Variants in QTMAN observed in about 807,000 individuals in gnomAD.
QTMAN encodes queuosine-tRNA mannosyltransferase.
the QTMAN span, chr2:143,942,771 A>G: frequency 6.0e-6 from 1 of 167,068 alleles, no homozygotes; most frequent in Non-Finnish European, 1.5e-5. Flanking sequence ...TAAGCAGAGG[A>G]AAGTCTTCTC....
chr2:144,146,283 T>C, the QTMAN span, among the ~76,000 whole-genome samples: 1 of 149,970 alleles, frequency 6.7e-6, no homozygotes, highest in Non-Finnish European at 1.5e-5. Context: ...ACTTGTAAAG[T>C]ATCTTACAAT....
chr2:144,119,068 A>C, the QTMAN span, among the ~76,000 whole-genome samples: 2 of 152,246 alleles, frequency 1.3e-5, no homozygotes, highest in East Asian at 3.9e-4. Context: ...GTTTAAATAC[A>C]GGGCTGGTAA....
chr2:144,058,273 T>C, the QTMAN span, among the ~76,000 whole-genome samples: 1 of 152,048 alleles, frequency 6.6e-6, no homozygotes, highest in African/African-American at 2.4e-5. Context: ...GCTTGATCCT[T>C]TTCTGCTTTC....
chr2:144,186,739 T>C, the QTMAN span, among the ~76,000 whole-genome samples: 1 of 152,342 alleles, frequency 6.6e-6, no homozygotes, highest in South Asian at 2.1e-4. Flanking sequence ...TCAGTATTTA[T>C]TTTCAAACCT....
chr2:144,168,495 G>A, the QTMAN span, among the ~76,000 whole-genome samples: 2 of 152,066 alleles, frequency 1.3e-5, no homozygotes, highest in African/African-American at 2.4e-5. Flanking sequence ...AAAATAATCC[G>A]GTAGAGGGGG....
chr2:143,966,303 T>A, the QTMAN span, among the ~76,000 whole-genome samples: 1 of 152,188 alleles, frequency 6.6e-6, no homozygotes, highest in East Asian at 1.9e-4. Flanking sequence ...AGGCAATGCA[T>A]AAAGGGCTGA....
chr2:144,274,777 C>A, the QTMAN span, among the ~76,000 whole-genome samples: 1 of 152,220 alleles, frequency 6.6e-6, no homozygotes, highest in East Asian at 1.9e-4. Flanking sequence ...GTTCTGTAAG[C>A]CCTCCTAGCA....
chr2:144,305,050 GT>G, the QTMAN span, among the ~76,000 whole-genome samples: 3 of 151,980 alleles, frequency 2.0e-5, no homozygotes, highest in South Asian at 4.2e-4. Context: ...TTGTGTGTTG[GT>G]TTTTTTCACT....
chr2:144,017,512 T>A, the QTMAN span, among the ~76,000 whole-genome samples: 1 of 152,172 alleles, frequency 6.6e-6, no homozygotes, highest in South Asian at 2.1e-4. Context: ...AATGATTATC[T>A]TATTGTTATG....
At chr2:144,029,431 A>G in the QTMAN span, among the ~76,000 whole-genome samples, 1 of 152,206 alleles carries the variant, frequency 6.6e-6, no homozygotes, top group South Asian at 2.1e-4. Context: ...GGTTCTAAAA[A>G]CTTTCCAGAC....
chr2:144,031,875 G>A, the QTMAN span, among the ~76,000 whole-genome samples: 4 of 152,094 alleles, frequency 2.6e-5, no homozygotes, highest in Non-Finnish European at 5.9e-5. Flanking sequence ...TCCTGCCTCA[G>A]CCTCCCGAGC....
At chr2:144,272,712 T>C in the QTMAN span, among the ~76,000 whole-genome samples, 4 of 151,812 alleles carry the variant, frequency 2.6e-5, no homozygotes, top group Non-Finnish European at 5.9e-5. Flanking sequence ...ATCTACATTA[T>C]GTGTGTGTGT....
chr2:144,208,927 A>G, the QTMAN span: 3 of 554,160 alleles, frequency 5.4e-6, no homozygotes. Context: ...TTATTTTTCA[A>G]AATAGGCTTA....
At chr2:144,261,159 C>A in the QTMAN span, among the ~76,000 whole-genome samples, 1 of 152,160 alleles carries the variant, frequency 6.6e-6, no homozygotes, top group Non-Finnish European at 1.5e-5. Context: ...AAGTCTAATG[C>A]CTTCTTAGCA....
At chr2:143,985,800 T>G in the QTMAN span, among the ~76,000 whole-genome samples, 76 of 152,320 alleles carry the variant, frequency 5.0e-4, 1 homozygote, top group Admixed American at 4.6e-4. Flanking sequence ...TTTTTAAGCA[T>G]AGAGTTTCTT....
chr2:144,320,094 CTA>C, the QTMAN span, among the ~76,000 whole-genome samples: 76 of 152,278 alleles, frequency 5.0e-4, no homozygotes, highest in South Asian at 0.012. Context: ...TTTAAGAAGA[CTA>C]ATATTTTGTG....
At chr2:144,208,532 A>G in the QTMAN span, 1 of 1,266,072 alleles carries the variant, frequency 7.9e-7, no homozygotes, top group African/African-American at 1.5e-5. Context: ...AAAGATACTG[A>G]TGGAGAAGCA....
At chr2:144,208,343 A>C in the QTMAN span, among the ~76,000 whole-genome samples, 3 of 152,202 alleles carry the variant, frequency 2.0e-5, no homozygotes, top group South Asian at 6.2e-4. Flanking sequence ...CCATACCCAT[A>C]CCCCTATACA....
At chr2:144,230,641 T>A in the QTMAN span, among the ~76,000 whole-genome samples, 4 of 152,046 alleles carry the variant, frequency 2.6e-5, no homozygotes, top group Non-Finnish European at 5.9e-5. Flanking sequence ...ATAAAAGCAA[T>A]AGGGAAATAC....
Sources: gnomAD v4.1 joint callset for allele counts (sites outside exome capture counted in the v4.1 genomes callset) on GRCh38, gnomAD v4.1.1 for gene constraint, MANE v1.5 for transcripts, NCBI Gene and HGNC (gene_info 2026-07-23, HGNC 2026-07-21) for gene names.